USP38: variants seen among roughly 807,000 people sequenced by gnomAD.
The protein encoded by USP38 is ubiquitin specific peptidase 38.
Under a neutral mutation model 94.3 loss-of-function variants are expected in USP38, and 49 were observed. The ratio of observed to expected loss-of-function variants is 0.52; its 90% CI spans 0.41 to 0.66. The LOEUF (loss-of-function observed/expected upper bound fraction) is 0.66, where lower values mean the gene tolerates loss of function less well. USP38 is among the 30% of genes least tolerant of loss of function. The pLI, the probability that USP38 is intolerant of heterozygous loss-of-function variation, is 0.00. For missense variants in USP38, 1,128 were observed against 1,229.4 expected, an observed-to-expected ratio of 0.92 and a Z score of 1.23; for synonymous variants, 468 against 463.6, an observed-to-expected ratio of 1.01 and a Z score of -0.12.
chr4:143,200,481 G>C (rs1341468415), intron 4 of USP38, among the ~76,000 whole-genome samples: 2 of 152,118 alleles, frequency 1.3e-5, no homozygotes, highest in African/African-American at 4.8e-5. Context: ...ACAAGACAAG[G>C]ATGTCCTCTC....
At chr4:143,201,485 G>A (rs1256981425) in intron 4 of USP38, among the ~76,000 whole-genome samples, 2 of 152,132 alleles carry the variant, frequency 1.3e-5, no homozygotes. Flanking sequence ...CTAGTAGTGG[G>A]TAATGTGGTA....
In USP38 at chr4:143,185,133, G is replaced by A. The variant is rs1731170225; in HGVS notation, c.-318G>A. On this transcript the variant is annotated 5_prime_UTR_variant, in exon 1 of 10. Transcript: ENST00000307017. ...CCCTGAGCTCCCGCCGACGCCGCTG[G>A]GGGGCCCGACAGGCCCCTCGGCGCT... The A allele has an allele frequency of 4.4e-6, 1 of 226,034 alleles. No homozygotes were observed. The highest frequency in any genetic ancestry group is 1.1e-4 in the South Asian group (1 of 9,268). 14.0% of individuals were successfully genotyped at this position (226,034 alleles called of 1,614,324 possible).
At chr4:143,198,512 A>G (rs536117462) in intron 4 of USP38, among the ~76,000 whole-genome samples, 2 of 152,326 alleles carry the variant, frequency 1.3e-5, no homozygotes, top group Non-Finnish European at 2.9e-5. Context: ...TGGTTACTTA[A>G]TTCTTCCAAA....
intron 6 of USP38, among the ~76,000 whole-genome samples, chr4:143,209,044 A>G (rs1029179763): frequency 4.8e-5 from 7 of 146,756 alleles, no homozygotes; most frequent in South Asian, 2.1e-4. Context: ...TTAATTTTAT[A>G]GTGTGTTTTA....
chr4:143,212,052 T>A (rs1304662439), intron 7 of USP38, among the ~76,000 whole-genome samples: 2 of 152,204 alleles, frequency 1.3e-5, no homozygotes, highest in African/African-American at 4.8e-5. Context: ...TGCCTTGTGC[T>A]ACTCATTTAG....
intron 6 of USP38, among the ~76,000 whole-genome samples, chr4:143,207,996 AAC>A (rs1731918213): frequency 6.6e-6 from 1 of 152,186 alleles, no homozygotes; most frequent in East Asian, 1.9e-4. Flanking sequence ...GTAATTTGTT[AAC>A]AGTTACGTTG....
In USP38 at chr4:143,185,305, G is replaced by T. The variant is rs1005539095; in HGVS notation, c.-146G>T. On this transcript the variant is annotated 5_prime_UTR_variant, in exon 1 of 10. Transcript: ENST00000307017. The stretch of plus-strand genomic sequence containing the variant: ...TGGGTCTCCCTGCGCCATAAATGTG[G>T]CTGCTGAGGCGGCGGTGGCCGTGGC... 1 of 862,566 alleles carries T rather than the reference G, an allele frequency of 1.2e-6. No homozygotes were observed. The highest frequency in any genetic ancestry group is 1.7e-6 in the Non-Finnish European group (1 of 576,734). The allele number at this position is 862,566 out of a possible 1,614,324, so 53.4% of individuals were successfully genotyped here. A position where few individuals can be genotyped will look rare whatever the true frequency, so the allele number is the denominator to read the frequency against.
intron 8 of USP38, 119 bp from the exon 9 acceptor site, chr4:143,213,462 A>T: frequency 2.6e-6 from 3 of 1,160,730 alleles, no homozygotes; most frequent in Non-Finnish European, 3.5e-6. Context: ...AACAGGAAAA[A>T]CCTGATTTGT....
chr4:143,197,689 T>G (rs1027331034), intron 3 of USP38, 134 bp from the exon 4 acceptor site: 2 of 601,518 alleles, frequency 3.3e-6, no homozygotes, highest in Non-Finnish European at 5.9e-6. Context: ...CAAAGTTTAA[T>G]AATATAAGTT....
Position 143,203,445 on chromosome 4 carries a change from A to G in USP38, c.1088A>G (p.Lys363Arg), listed in dbSNP as rs1453504032. Residue 363 changes from lysine to arginine, a missense_variant, in exon 5 of 10, where the codon AAA becomes AGA. By Grantham distance (26) the Lys-to-Arg change is conservative. Transcript: ENST00000307017. ...GTGGTTAATTTGGTTCATTCTTTCA[A>G]AAATGATGGTCTGCCTTCAAGTACA... Reference protein sequence around the residue: ...PHVVNLVHSFKNDGLPSSTAF... With the variant: ...PHVVNLVHSFRNDGLPSSTAF... The G allele has an allele frequency of 4.4e-5, 71 of 1,613,050 alleles. No homozygotes were observed. In the East Asian group the frequency reaches 1.6e-3, roughly 36 times the overall value.
chr4:143,207,364 C>G (rs536938432), intron 6 of USP38, among the ~76,000 whole-genome samples: 1 of 152,228 alleles, frequency 6.6e-6, no homozygotes, highest in Non-Finnish European at 1.5e-5. Flanking sequence ...ATGGTGAAAC[C>G]CCGTCTCTAC....
At chr4:143,205,838 A>G (rs1270946515) in intron 5 of USP38, among the ~76,000 whole-genome samples, 195 bp from the exon 6 acceptor site, 1 of 152,186 alleles carries the variant, frequency 6.6e-6, no homozygotes, top group Non-Finnish European at 1.5e-5. Context: ...TTATTAGACA[A>G]TATTTATTTT....
At chr4:143,197,949 C>T (rs1376710496) in intron 4 of USP38, 25 bp downstream of exon 4, 4 of 1,520,858 alleles carry the variant, frequency 2.6e-6, no homozygotes, top group African/African-American at 2.8e-5. Context: ...AAACGTTCTA[C>T]TTTGAAAAAG....
At chr4:143,215,355 A>T (rs1732157857) in intron 9 of USP38, 1 of 167,860 alleles carries the variant, frequency 6.0e-6, no homozygotes, top group Admixed American at 6.0e-5. Flanking sequence ...ATTTAGGTGG[A>T]TAAGATTAAA....
chr4:143,217,818 T>C (rs1000832507), intron 9 of USP38, among the ~76,000 whole-genome samples: 1 of 152,202 alleles, frequency 6.6e-6, no homozygotes, highest in African/African-American at 2.4e-5. Flanking sequence ...TTCTCTACTC[T>C]GTGTATCATA....
At chr4:143,219,521 T>C (rs1318902160) in intron 9 of USP38, among the ~76,000 whole-genome samples, 2 of 152,168 alleles carry the variant, frequency 1.3e-5, no homozygotes, top group Non-Finnish European at 2.9e-5. Flanking sequence ...ACGATTATGC[T>C]AACAAGTTCA....
At chr4:143,210,936 T>C (rs1732007691) in intron 7 of USP38, among the ~76,000 whole-genome samples, 1 of 152,030 alleles carries the variant, frequency 6.6e-6, no homozygotes, top group Non-Finnish European at 1.5e-5. Flanking sequence ...TATTATTCTT[T>C]ATCTGGGGAA....
At chr4:143,213,469 T>C (rs1581167844) in intron 8 of USP38, 112 bp from the exon 9 acceptor site, 1 of 1,192,710 alleles carries the variant, frequency 8.4e-7, no homozygotes, top group South Asian at 2.1e-5. Flanking sequence ...AAAACCTGAT[T>C]TGTTTACATT....
intron 2 of USP38, among the ~76,000 whole-genome samples, chr4:143,190,089 G>A (rs564639021): frequency 6.6e-6 from 1 of 152,140 alleles, no homozygotes; most frequent in South Asian, 2.1e-4. Context: ...GTATTTAGCA[G>A]CAGCACACTT....
Sources: allele counts gnomAD v4.1 joint callset (sites outside exome capture counted in the v4.1 genomes callset), GRCh38; gene constraint gnomAD v4.1.1; transcripts MANE v1.5; gene names NCBI Gene and HGNC (gene_info 2026-07-23, HGNC 2026-07-21).